Variants in CTNND2 observed in about 807,000 individuals in gnomAD.
The protein encoded by CTNND2 is catenin delta 2.
In CTNND2, 22 loss-of-function variants were observed where a neutral mutation model predicts 144.4. That is an observed-to-expected ratio of 0.15 (90% CI 0.11 to 0.22). The LOEUF (loss-of-function observed/expected upper bound fraction) is 0.22. Among genes scored for constraint, CTNND2 ranks in the 10% least tolerant of loss-of-function variants. The pLI is 1.00. For missense variants in CTNND2, 1,353 were observed against 1,618.8 expected, an observed-to-expected ratio of 0.84 and a Z score of 2.82; for synonymous variants, 751 against 695.6, an observed-to-expected ratio of 1.08 and a Z score of -1.25.
chr5:11,381,811 C>CA (rs1322021265), intron 7 of CTNND2, among the ~76,000 whole-genome samples: 3 of 151,788 alleles, frequency 2.0e-5, no homozygotes, highest in Non-Finnish European at 4.4e-5. Flanking sequence ...ACTAAAAATA[C>CA]AAAAAATTAG....
intron 2 of CTNND2, among the ~76,000 whole-genome samples, chr5:11,640,017 A>T (rs1264329736): frequency 6.6e-6 from 1 of 152,196 alleles, no homozygotes; most frequent in Non-Finnish European, 1.5e-5. Flanking sequence ...TACATATAAA[A>T]ATCCAGGTGA....
chr5:11,431,095 T>A (rs191885390), intron 3 of CTNND2, among the ~76,000 whole-genome samples: 1 of 152,346 alleles, frequency 6.6e-6, no homozygotes, highest in Admixed American at 6.5e-5. Flanking sequence ...CAGCTATTCT[T>A]TACTGAGGTT....
At chr5:11,679,384 T>C (rs1784327319) in intron 2 of CTNND2, among the ~76,000 whole-genome samples, 1 of 152,202 alleles carries the variant, frequency 6.6e-6, no homozygotes, top group African/African-American at 2.4e-5. Context: ...AACTGATGCT[T>C]GTATCTCTAT....
intron 9 of CTNND2, among the ~76,000 whole-genome samples, chr5:11,296,681 T>C (rs1454306219): frequency 1.3e-5 from 2 of 152,154 alleles, no homozygotes; most frequent in African/African-American, 2.4e-5. Context: ...ATGTCCTTTG[T>C]AGGGACAAGG....
In CTNND2 at chr5:11,569,409, T is replaced by C. The variant is rs561255496; in HGVS notation, c.175-4353A>G. Among the ~76,000 whole-genome samples, 4 of 152,320 alleles carry C rather than the reference T, an allele frequency of 2.6e-5. No homozygotes were observed. In the South Asian group the frequency reaches 8.3e-4, roughly 32 times the overall value. On this transcript the variant is annotated intron_variant, in intron 2 of 21. Transcript: ENST00000304623. ...GTTTCATCCTAGAATAGCACATTAT[T>C]GAACCATATAATACATTAGGATTAT...
chr5:11,464,779 G>A (rs1766511258), intron 3 of CTNND2, among the ~76,000 whole-genome samples: 1 of 152,120 alleles, frequency 6.6e-6, no homozygotes, highest in Non-Finnish European at 1.5e-5. Flanking sequence ...ATTGGCTATT[G>A]GGTAGAATAT....
intron 16 of CTNND2, among the ~76,000 whole-genome samples, chr5:11,074,096 C>A (rs1748649552): frequency 6.6e-6 from 1 of 152,132 alleles, no homozygotes; most frequent in Admixed American, 6.5e-5. Flanking sequence ...TGTATCTTTC[C>A]CTGGACGGAG....
In CTNND2 at chr5:11,346,545, G is replaced by A. The variant is rs1485865136; in HGVS notation, c.1455C>T (p.Thr485=). ...QHGPQNAAAA[T]FQRASYAAGP... is the part of the protein sequence containing the mutation. ...CGGCGGCATAGCTGGCCCTCTGGAAGGTGGCCGCGGCGGCATTCTGTGGGC... is the reference window on the plus strand; with the variant it reads ...CGGCGGCATAGCTGGCCCTCTGGAAAGTGGCCGCGGCGGCATTCTGTGGGC... Residue 485 remains threonine, a synonymous_variant, in exon 9 of 22, where the codon ACC becomes ACT. Coordinates refer to ENST00000304623, the MANE Select transcript of CTNND2 (RefSeq NM_001332.4). 1 of 1,603,898 alleles carries A rather than the reference G, an allele frequency of 6.2e-7. No homozygotes were observed. The highest frequency in any genetic ancestry group is 2.3e-5 in the East Asian group (1 of 43,948).
intron 2 of CTNND2, among the ~76,000 whole-genome samples, chr5:11,590,515 CT>C (rs1779166664): frequency 6.6e-6 from 1 of 152,138 alleles, no homozygotes; most frequent in Non-Finnish European, 1.5e-5. Context: ...TGACATCCCC[CT>C]GCCCTTGTGA....
intron 9 of CTNND2, among the ~76,000 whole-genome samples, chr5:11,316,350 C>T (rs1751472294): frequency 1.3e-5 from 2 of 151,960 alleles, no homozygotes; most frequent in Non-Finnish European, 2.9e-5. Context: ...CTCAGCCTCC[C>T]GAGTAGCTGG....
rs555388304 is a variant in CTNND2 at position 11,404,602 on chromosome 5, C to CTTTTTTT, written c.439+6927_439+6933dup. 3.5e-3 allele frequency among the ~76,000 whole-genome samples: 200 copies of CTTTTTTT among 57,368 alleles called. 59 individuals carry two copies. Among genetic ancestry groups the CTTTTTTT allele is most frequent in the East Asian group, 4.9e-3 (7 of 1,428 alleles). The allele number at this position is 57,368 out of a possible 152,430, so 37.6% of individuals were successfully genotyped here. ...ATCAGTATCTGTCAGTATCTGTATT[C>CTTTTTTT]TTTTTTTTTTTTTTTTTTTTTTTTT... On this transcript the variant is annotated intron_variant, in intron 5 of 21. Coordinates refer to ENST00000304623, the MANE Select transcript of CTNND2 (RefSeq NM_001332.4).
At chr5:11,578,838 T>C (rs985717218) in intron 2 of CTNND2, among the ~76,000 whole-genome samples, 15 of 152,206 alleles carry the variant, frequency 9.9e-5, no homozygotes, top group African/African-American at 3.6e-4. Context: ...TATTTCCTAT[T>C]CTTGATAAGG....
chr5:11,218,880 G>A (rs1404847190), intron 10 of CTNND2, among the ~76,000 whole-genome samples: 1 of 152,156 alleles, frequency 6.6e-6, no homozygotes, highest in Non-Finnish European at 1.5e-5. Context: ...CTTTCTGGCA[G>A]AGAGGCACTC....
At chr5:11,374,204 C>T (rs1007256443) in intron 7 of CTNND2, among the ~76,000 whole-genome samples, 1 of 152,168 alleles carries the variant, frequency 6.6e-6, no homozygotes, top group African/African-American at 2.4e-5. Context: ...CCCAGGCACC[C>T]TAAACCCTTC....
intron 2 of CTNND2, among the ~76,000 whole-genome samples, chr5:11,640,532 C>T (rs1049190253): frequency 6.6e-6 from 1 of 152,136 alleles, no homozygotes; most frequent in Non-Finnish European, 1.5e-5. Flanking sequence ...TAACAAATAG[C>T]ATATCTTTGT....
intron 5 of CTNND2, among the ~76,000 whole-genome samples, chr5:11,398,735 T>A (rs989532141): frequency 1.3e-5 from 2 of 152,330 alleles, no homozygotes; most frequent in Middle Eastern, 3.4e-3. Flanking sequence ...GATGGTAACA[T>A]TTCCAATAGC....
Position 11,244,986 on chromosome 5 carries a change from A to G in CTNND2, c.1629-8163T>C, listed in dbSNP as rs145898643. 6.2e-3 allele frequency among the ~76,000 whole-genome samples: 941 copies of G among 152,382 alleles called. 7 individuals are homozygous for G. The highest frequency in any genetic ancestry group is 0.016 in the South Asian group (78 of 4,830). Reference sequence around the variant, plus strand: ...ACTCAGACAAATTATATATGAGATAAGATGACAAAACGGAAATGAAAAATC... The same window carrying G: ...ACTCAGACAAATTATATATGAGATAGGATGACAAAACGGAAATGAAAAATC... On this transcript the variant is annotated intron_variant, in intron 9 of 21. Transcript: ENST00000304623.
At chr5:11,156,978 C>T (rs1758277084) in intron 12 of CTNND2, among the ~76,000 whole-genome samples, 1 of 152,196 alleles carries the variant, frequency 6.6e-6, no homozygotes, top group Non-Finnish European at 1.5e-5. Flanking sequence ...GTTTTAAGCA[C>T]AGATCTGTTA....
intron 6 of CTNND2, among the ~76,000 whole-genome samples, chr5:11,396,092 C>A (rs933352502): frequency 6.6e-6 from 1 of 152,124 alleles, no homozygotes; most frequent in African/African-American, 2.4e-5. Flanking sequence ...AGGAAGGGTT[C>A]CTGGAAGAGA....
Sources: allele counts gnomAD v4.1 joint callset (sites outside exome capture counted in the v4.1 genomes callset), GRCh38; gene constraint gnomAD v4.1.1; transcripts MANE v1.5; gene names NCBI Gene and HGNC (gene_info 2026-07-23, HGNC 2026-07-21).